Variants in ARHGAP44 observed in about 807,000 individuals in gnomAD.
The protein encoded by ARHGAP44 is rho GTPase-activating protein 44.
In ARHGAP44, 43 loss-of-function variants were observed where a neutral mutation model predicts 106.8. The observed-to-expected ratio is 0.40, with a 90% CI of 0.32 to 0.52. The LOEUF (loss-of-function observed/expected upper bound fraction) is 0.52. ARHGAP44 is among the 20% of genes least tolerant of loss of function. ARHGAP44 has a pLI of 0.48. For synonymous variants in ARHGAP44, 439 were observed against 410.3 expected, an observed-to-expected ratio of 1.07 and a Z score of -0.85; for missense variants, 866 against 1,050.5, an observed-to-expected ratio of 0.82 and a Z score of 2.43.
At chr17:12,960,469 G>C (rs2039234715) in intron 16 of ARHGAP44, among the ~76,000 whole-genome samples, 1 of 152,010 alleles carries the variant, frequency 6.6e-6, no homozygotes, top group Non-Finnish European at 1.5e-5. Context: ...AGGAGGCTGA[G>C]GCAGGAGAAT....
chr17:12,959,193 C>T (rs900295428), intron 16 of ARHGAP44: 5 of 385,660 alleles, frequency 1.3e-5, no homozygotes, highest in South Asian at 2.7e-5. Context: ...AAAATACATA[C>T]GCACTTTATT....
chr17:12,894,239 A>T (rs546242559), intron 1 of ARHGAP44, among the ~76,000 whole-genome samples: 5 of 146,364 alleles, frequency 3.4e-5, no homozygotes, highest in African/African-American at 1.3e-4. Context: ...AGAGAGAGAG[A>T]GAGTGTGTGT....
Position 12,810,874 on chromosome 17 carries a change from A to G in ARHGAP44, c.53+20983A>G, listed in dbSNP as rs557501406. On this transcript the variant is annotated intron_variant, in intron 1 of 20. Coordinates refer to ENST00000379672, the MANE Select transcript of ARHGAP44 (RefSeq NM_014859.6). Reference sequence around the variant, plus strand: ...GAAAATCCAGGTGTAACTTTTGACCACCCCAAAACTTAACTACCAATAGCC... The same window carrying G: ...GAAAATCCAGGTGTAACTTTTGACCGCCCCAAAACTTAACTACCAATAGCC... Among the ~76,000 whole-genome samples, 197 of 152,228 alleles carry G rather than the reference A, an allele frequency of 1.3e-3. 1 individual carries two copies. Among genetic ancestry groups the G allele is most frequent in the African/African-American group, 4.2e-3 (176 of 41,532 alleles).
chr17:12,963,361 C>T (rs2039310325), intron 16 of ARHGAP44, among the ~76,000 whole-genome samples: 1 of 152,182 alleles, frequency 6.6e-6, no homozygotes, highest in African/African-American at 2.4e-5. Context: ...GAGACAGTCA[C>T]TCTTGGAGCC....
At chr17:12,802,464 T>C (rs974403031) in intron 1 of ARHGAP44, among the ~76,000 whole-genome samples, 4 of 152,142 alleles carry the variant, frequency 2.6e-5, no homozygotes, top group African/African-American at 9.7e-5. Context: ...GATTCACATA[T>C]GACAGTCTAG....
chr17:12,922,571 A>AAACCCAC (rs1323196454), intron 6 of ARHGAP44, among the ~76,000 whole-genome samples: 1 of 152,194 alleles, frequency 6.6e-6, no homozygotes, highest in African/African-American at 2.4e-5. Context: ...TCTACAAAGA[A>AAACCCAC]AACCCACATT....
intron 1 of ARHGAP44, among the ~76,000 whole-genome samples, chr17:12,856,498 G>A (rs2035916029): frequency 6.6e-6 from 1 of 152,124 alleles, no homozygotes; most frequent in South Asian, 2.1e-4. Context: ...TCGGAAGTTG[G>A]CCCTAGGCAA....
chr17:12,989,931 C>G, intron 20 of ARHGAP44, 101 bp from the exon 21 acceptor site: 3 of 1,494,472 alleles, frequency 2.0e-6, no homozygotes, highest in Non-Finnish European at 2.7e-6. Context: ...CCTAGAATAG[C>G]AGCACCCCTG....
chr17:12,894,629 G>T (rs940555405), intron 1 of ARHGAP44, among the ~76,000 whole-genome samples: 1 of 152,106 alleles, frequency 6.6e-6, no homozygotes, highest in Admixed American at 6.5e-5. Flanking sequence ...AAGCGTTATG[G>T]GTGGGGAAAC....
rs1156610685 is a variant in ARHGAP44 at position 12,958,314 on chromosome 17, T to G, written c.1343-403T>G. ...CCTCTTATTTTATTTTCTTGACTAATTCCATTGGCTAGTGTTTCTCAAATG... is the reference window on the plus strand; with the variant it reads ...CCTCTTATTTTATTTTCTTGACTAAGTCCATTGGCTAGTGTTTCTCAAATG... On this transcript the variant is annotated intron_variant, in intron 15 of 20. Transcript: ENST00000379672. The surrounding 1 kb of genome is among the most constrained non-coding windows in gnomAD (Gnocchi z 4.1). Among the ~76,000 whole-genome samples, 4 of 152,366 alleles carry G rather than the reference T, an allele frequency of 2.6e-5. No individual in the cohort carries two copies.
At chr17:12,812,003 T>G (rs954908368) in intron 1 of ARHGAP44, among the ~76,000 whole-genome samples, 1 of 152,150 alleles carries the variant, frequency 6.6e-6, no homozygotes, top group Non-Finnish European at 1.5e-5. Flanking sequence ...CAGGACACCA[T>G]AACTTCTGGG....
At chr17:12,885,174 C>T (rs950992675) in intron 1 of ARHGAP44, among the ~76,000 whole-genome samples, 1 of 152,218 alleles carries the variant, frequency 6.6e-6, no homozygotes, top group Non-Finnish European at 1.5e-5. Flanking sequence ...GCTGGGATTA[C>T]AGGCGTGAGC....
chr17:12,888,348 A>G lies in ARHGAP44; in HGVS notation c.54-6592A>G, dbSNP rs566337914. Among the ~76,000 whole-genome samples, 97 of 152,268 alleles carry G rather than the reference A, an allele frequency of 6.4e-4. 2 individuals are homozygous for G. Among genetic ancestry groups the G allele is most frequent in the African/African-American group, 1.8e-3 (74 of 41,572 alleles). On this transcript the variant is annotated intron_variant, in intron 1 of 20. Coordinates refer to ENST00000379672, the MANE Select transcript of ARHGAP44 (RefSeq NM_014859.6). ...TTAAACATCTGCCTTGAGACCCTCCATGGATTATTTAAAAGTTGTTTAGTT... is the reference window on the plus strand; with the variant it reads ...TTAAACATCTGCCTTGAGACCCTCCGTGGATTATTTAAAAGTTGTTTAGTT...
chr17:12,956,874 C>T, intron 15 of ARHGAP44, 128 bp downstream of exon 15: 1 of 517,074 alleles, frequency 1.9e-6, no homozygotes, highest in South Asian at 2.4e-5. Context: ...TAAACACACA[C>T]ACACACACAC....
intron 4 of ARHGAP44, among the ~76,000 whole-genome samples, chr17:12,914,798 A>T (rs1712849378): frequency 1.7e-5 from 2 of 119,646 alleles, no homozygotes; most frequent in Non-Finnish European, 3.7e-5. Flanking sequence ...CTCCATCTCA[A>T]GAAAAAAAAA....
intron 13 of ARHGAP44, among the ~76,000 whole-genome samples, chr17:12,953,970 C>G (rs2039061823): frequency 6.6e-6 from 1 of 152,098 alleles, no homozygotes; most frequent in Non-Finnish European, 1.5e-5. Context: ...CACTGCAACC[C>G]CCACCACCTG....
intron 1 of ARHGAP44, among the ~76,000 whole-genome samples, chr17:12,804,226 C>T (rs1692202125): frequency 6.6e-6 from 1 of 152,208 alleles, no homozygotes; most frequent in Non-Finnish European, 1.5e-5. Flanking sequence ...TGGTCCTGAT[C>T]ATGGAATAAG....
At chr17:12,885,582 AT>A (rs2036859373) in intron 1 of ARHGAP44, among the ~76,000 whole-genome samples, 3 of 151,942 alleles carry the variant, frequency 2.0e-5, no homozygotes, top group Non-Finnish European at 4.4e-5. Flanking sequence ...CTAGTATCTC[AT>A]TTTGCTCTTA....
chr17:12,989,109 A>AAAAAAAAC (rs1444714606), intron 20 of ARHGAP44, among the ~76,000 whole-genome samples: 1 of 133,336 alleles, frequency 7.5e-6, no homozygotes, highest in South Asian at 2.5e-4. Context: ...CCCAAAAAAA[A>AAAAAAAAC]AAAAAAAAAA....
Sources: allele counts gnomAD v4.1 joint callset (sites outside exome capture counted in the v4.1 genomes callset), GRCh38; gene constraint gnomAD v4.1.1; non-coding constraint Gnocchi (gnomAD v3.1); transcripts MANE v1.5; gene names NCBI Gene and HGNC (gene_info 2026-07-23, HGNC 2026-07-21).